The following GNB1L variants were observed in gnomAD, a reference collection of about 807,000 sequenced individuals.
GNB1L encodes guanine nucleotide-binding protein subunit beta-like protein 1.
Under a neutral mutation model 29.1 loss-of-function variants are expected in GNB1L, and 20 were observed. The observed-to-expected ratio is 0.69, with a 90% CI of 0.48 to 1.00. GNB1L has a LOEUF of 1.00. Among genes scored for constraint, GNB1L ranks in the 50% least tolerant of loss-of-function variants. The probability of loss-of-function intolerance (pLI) is 0.00; values close to 1 mark genes in which losing one functional copy is unlikely to be tolerated. For missense variants in GNB1L, 421 were observed against 464.9 expected, an observed-to-expected ratio of 0.91 and a Z score of 0.87; for synonymous variants, 193 against 206.5, an observed-to-expected ratio of 0.93 and a Z score of 0.56.
Position 19,788,859 on chromosome 22 carries a change from G to A in GNB1L, c.834C>T (p.Arg278=), listed in dbSNP as rs35995660. 6,002 of 1,612,830 alleles carry A rather than the reference G, an allele frequency of 3.7e-3. 180 individuals carry two copies. In the African/African-American group the frequency reaches 0.069, roughly 19 times the overall value. Residue 278 remains arginine (R), a synonymous_variant, in exon 8 of 8, where the codon CGC becomes CGT. Transcript: ENST00000329517. ...LATAGWDHRI[R]VFHWRTMQPL... is the part of the protein sequence containing the mutation. The stretch of plus-strand genomic sequence containing the variant: ...GCTGCATCGTCCGCCAGTGGAACAC[G>A]CGGATGCGGTGGTCCCAGCCTGCGG...
chr22:19,804,626 A>T (rs1164025348), intron 6 of GNB1L, among the ~76,000 whole-genome samples: 1 of 152,094 alleles, frequency 6.6e-6, no homozygotes, highest in Non-Finnish European at 1.5e-5. Context: ...TTCAGAAAAA[A>T]AAAAAGCAAG....
At chr22:19,848,366 G>A in intron 2 of GNB1L, 10 of 985,472 alleles carry the variant, frequency 1.0e-5, no homozygotes, top group Non-Finnish European at 1.1e-5. Context: ...GTGTGTGGGG[G>A]CCAGAAGAGA....
At position 19,826,736 on chromosome 22, in the gene GNB1L, CCACTGAGAAAAGCTAG is replaced by C. The variant is rs369284850; in HGVS notation, c.-20-5377_-20-5362del. ...AGACATCTGGCTGTCACCACTTTCA[CCACTGAGAAAAGCTAG>C]CACTGCCAATAATGAACAAACTGGC... On this transcript the variant is annotated intron_variant, in intron 2 of 7. Coordinates refer to ENST00000329517, the MANE Select transcript of GNB1L (RefSeq NM_053004.3). Among the ~76,000 whole-genome samples the C allele has an allele frequency of 1.8e-3, 279 of 152,328 alleles. 4 individuals carry two copies. The highest frequency in any genetic ancestry group is 6.4e-3 in the African/African-American group (268 of 41,572).
intron 4 of GNB1L, among the ~76,000 whole-genome samples, chr22:19,819,732 C>A (rs1351741790): frequency 1.3e-5 from 2 of 152,154 alleles, no homozygotes; most frequent in African/African-American, 2.4e-5. Flanking sequence ...ACAAGTAATC[C>A]CCAAGTGATG....
At chr22:19,838,342 T>G (rs1371508496) in intron 2 of GNB1L, among the ~76,000 whole-genome samples, 1 of 152,100 alleles carries the variant, frequency 6.6e-6, no homozygotes, top group Non-Finnish European at 1.5e-5. Context: ...AGAAAAAAAC[T>G]GTCAAAACCA....
chr22:19,837,628 C>G (rs529207238), intron 2 of GNB1L, among the ~76,000 whole-genome samples: 1 of 152,316 alleles, frequency 6.6e-6, no homozygotes, highest in Admixed American at 6.5e-5. Flanking sequence ...AACTCTCATA[C>G]GCTGCTGATG....
At chr22:19,820,092 G>A (rs1352690655) in intron 4 of GNB1L, among the ~76,000 whole-genome samples, 1 of 152,114 alleles carries the variant, frequency 6.6e-6, no homozygotes, top group Non-Finnish European at 1.5e-5. Context: ...GGCCTCCACC[G>A]GCACCGTGTG....
At chr22:19,835,339 C>T (rs1278485150) in intron 2 of GNB1L, among the ~76,000 whole-genome samples, 1 of 149,550 alleles carries the variant, frequency 6.7e-6, no homozygotes, top group East Asian at 2.0e-4. Flanking sequence ...CAAGATAGGC[C>T]ATATCCTGGG....
intron 2 of GNB1L, chr22:19,850,152 C>T: frequency 1.0e-6 from 1 of 985,522 alleles, no homozygotes; most frequent in Non-Finnish European, 1.2e-6. Flanking sequence ...GCAATGCTGA[C>T]CTGGAATGCT....
chr22:19,846,707 G>C (rs1937969534), intron 2 of GNB1L: 1 of 370,362 alleles, frequency 2.7e-6, no homozygotes, highest in African/African-American at 2.2e-5. Context: ...TGATCCAATA[G>C]ACTAGTGAGC....
At chr22:19,789,013 C>A in intron 7 of GNB1L, 53 bp from the exon 8 acceptor site, 1 of 1,538,414 alleles carries the variant, frequency 6.5e-7, no homozygotes. Flanking sequence ...CAAGGCAGTG[C>A]TGCCCCTGGT....
rs1937174174 is a variant in GNB1L, at chr22:19,784,524, G to C, written c.*4185C>G. The stretch of plus-strand genomic sequence containing the variant: ...GAGGAAGGAAAAGGCTCTAGGCACA[G>C]CTGCTTGTCTAAGAGGGACCCTGTT... On this transcript the variant is annotated 3_prime_UTR_variant, in exon 8 of 8. Coordinates refer to ENST00000329517, the MANE Select transcript of GNB1L (RefSeq NM_053004.3). The C allele has an allele frequency of 6.6e-6, 1 of 152,354 alleles. No homozygotes were observed. Among genetic ancestry groups the C allele is most frequent in the Non-Finnish European group, 1.5e-5 (1 of 68,124 alleles). The allele number at this position is 152,354 out of a possible 1,614,324, so 9.4% of individuals were successfully genotyped here.
intron 2 of GNB1L, among the ~76,000 whole-genome samples, chr22:19,824,632 G>A (rs1040372156): frequency 6.6e-6 from 1 of 152,252 alleles, no homozygotes; most frequent in African/African-American, 2.4e-5. Flanking sequence ...CCACCGCGGA[G>A]GCAGCTCGGC....
chr22:19,800,701 CAG>C (rs1937359702), intron 7 of GNB1L, among the ~76,000 whole-genome samples: 1 of 152,216 alleles, frequency 6.6e-6, no homozygotes, highest in Non-Finnish European at 1.5e-5. Context: ...ATCCCCAGGA[CAG>C]CTGACGGATG....
chr22:19,802,102 C>A lies in GNB1L; in HGVS notation c.631G>T (p.Val211Phe), dbSNP rs558606059. ...CSRIACHEEP[V>F]MDLDFDSQKA... ...TGGGAGTCAAAGTCAAGGTCCATGA[C>A]GGGCTCCTCATGGCAGGCGATGCGG... is the stretch of plus-strand genomic sequence containing the variant. The change falls in exon 7 of 8, where the codon GTC becomes TTC. Residue 211 changes from valine (V) to phenylalanine (F), a missense_variant. Physicochemically the swap from Val to Phe is conservative, Grantham distance 50. Transcript: ENST00000329517. 5 of 1,613,426 alleles carry A rather than the reference C, an allele frequency of 3.1e-6. No homozygotes were observed. Among genetic ancestry groups the A allele is most frequent in the Non-Finnish European group, 4.2e-6 (5 of 1,179,980 alleles).
intron 2 of GNB1L, chr22:19,849,371 T>TG (rs1938039956): frequency 1.1e-6 from 1 of 879,246 alleles, no homozygotes; most frequent in Non-Finnish European, 1.4e-6. Context: ...TGTTTTTTGT[T>TG]GTTTTTTTTT....
chr22:19,814,643 A>G (rs895324802), intron 4 of GNB1L, among the ~76,000 whole-genome samples: 11 of 152,042 alleles, frequency 7.2e-5, no homozygotes, highest in African/African-American at 2.4e-4. Flanking sequence ...AGGATGAGAA[A>G]CCTCACTTCT....
In GNB1L at chr22:19,849,084, T is replaced by C. The variant is rs1025389456; in HGVS notation, c.-21+5359A>G. On this transcript the variant is annotated intron_variant, in intron 2 of 7. Transcript: ENST00000329517. ...GCAGCTGTGACCTGGCACAGAAGCA[T>C]GGGGCTGGGCCAGGACATCCAGGGA... 9.1e-6 allele frequency: 9 copies of C among 985,326 alleles called. No individual in the cohort carries two copies. In the African/African-American group the frequency reaches 1.4e-4, roughly 15 times the overall value. 61.0% of individuals were successfully genotyped at this position (985,326 alleles called of 1,614,324 possible). A position where few individuals can be genotyped will look rare whatever the true frequency, so the allele number is the denominator to read the frequency against.
chr22:19,810,030 G>A (rs1266070789), intron 5 of GNB1L, among the ~76,000 whole-genome samples: 2 of 152,214 alleles, frequency 1.3e-5, no homozygotes, highest in Non-Finnish European at 2.9e-5. Flanking sequence ...GAGTAGCTGG[G>A]ACTATGATTT....
Sources: allele counts gnomAD v4.1 joint callset (sites outside exome capture counted in the v4.1 genomes callset), GRCh38; gene constraint gnomAD v4.1.1; transcripts MANE v1.5; gene names NCBI Gene and HGNC (gene_info 2026-07-23, HGNC 2026-07-21).